VWA8: variants seen among roughly 807,000 people sequenced by gnomAD.
The protein encoded by VWA8 is von Willebrand factor A domain-containing protein 8.
VWA8 carries 221 observed loss-of-function variants against 241.5 expected under a neutral mutation model. The ratio of observed to expected loss-of-function variants is 0.91; its 90% confidence interval spans 0.82 to 1.02. The LOEUF is 1.02. Among genes scored for constraint, VWA8 ranks in the 50% least tolerant of loss-of-function variants. The pLI is 0.00. For synonymous variants in VWA8, 852 were observed against 827.1 expected, an observed-to-expected ratio of 1.03 and a Z score of -0.52; for missense variants, 2,322 against 2,328.7, an observed-to-expected ratio of 1.00 and a Z score of 0.06.
At chr13:41,881,355 T>C (rs1874162627) in intron 9 of VWA8, among the ~76,000 whole-genome samples, 1 of 83,286 alleles carries the variant, frequency 1.2e-5, no homozygotes, top group Non-Finnish European at 2.2e-5. Context: ...TACTAGAACA[T>C]CATAGTTTTT....
intron 9 of VWA8, among the ~76,000 whole-genome samples, chr13:41,869,631 CAAAAAAA>C (rs532296102): frequency 2.5e-5 from 1 of 40,298 alleles, no homozygotes; most frequent in East Asian, 9.7e-4. Flanking sequence ...AACTTTGTCT[CAAAAAAA>C]AAAAAAAAAA....
chr13:41,771,824 C>T (rs1191535460), intron 20 of VWA8, among the ~76,000 whole-genome samples: 4 of 151,688 alleles, frequency 2.6e-5, no homozygotes, highest in Non-Finnish European at 5.9e-5. Context: ...TCAAGCAATC[C>T]GCCCACCTTG....
At chr13:41,576,640 A>AT (rs1224637474) in intron 42 of VWA8, among the ~76,000 whole-genome samples, 1 of 152,234 alleles carries the variant, frequency 6.6e-6, no homozygotes, top group Non-Finnish European at 1.5e-5. Context: ...CCTAACAGTT[A>AT]TCCCCAGGAG....
At chr13:41,754,318 T>C (rs2045678003) in intron 21 of VWA8, among the ~76,000 whole-genome samples, 1 of 152,112 alleles carries the variant, frequency 6.6e-6, no homozygotes, top group Non-Finnish European at 1.5e-5. Flanking sequence ...GCACAAGCTC[T>C]CTTCTCTTGT....
At chr13:41,681,031 T>C (rs2045095076) in intron 35 of VWA8, among the ~76,000 whole-genome samples, 1 of 152,240 alleles carries the variant, frequency 6.6e-6, no homozygotes, top group Admixed American at 6.5e-5. Flanking sequence ...TGTTCAATGC[T>C]AACAAGAATC....
intron 2 of VWA8, among the ~76,000 whole-genome samples, chr13:41,939,476 A>C (rs1877499429): frequency 6.6e-6 from 1 of 152,110 alleles, no homozygotes. Flanking sequence ...CAAGACCTAG[A>C]TCATAAAAAA....
At chr13:41,611,475 A>C in intron 39 of VWA8, 101 bp downstream of exon 39, 1 of 1,447,882 alleles carries the variant, frequency 6.9e-7, no homozygotes, top group African/African-American at 1.4e-5. Context: ...TTGCTGCATG[A>C]GGTGGAGGTG....
At chr13:41,635,941 T>A (rs1448460541) in intron 37 of VWA8, among the ~76,000 whole-genome samples, 1 of 152,170 alleles carries the variant, frequency 6.6e-6, no homozygotes. Context: ...GTCTGTGATC[T>A]TACAGTTCTT....
At chr13:41,816,550 C>T (rs1870701890) in intron 16 of VWA8, 148 bp downstream of exon 16, 2 of 651,662 alleles carry the variant, frequency 3.1e-6, no homozygotes, top group African/African-American at 1.9e-5. Flanking sequence ...TCGGAGTAAA[C>T]CATATGCATA....
intron 12 of VWA8, among the ~76,000 whole-genome samples, chr13:41,846,047 T>C (rs138551549): frequency 5.7e-4 from 85 of 149,766 alleles, no homozygotes; most frequent in African/African-American, 2.1e-3. Flanking sequence ...GCTTTTTAGT[T>C]CTTTTTTTTT....
At chr13:41,688,974 A>G (rs1285716502) in intron 34 of VWA8, among the ~76,000 whole-genome samples, 1 of 152,132 alleles carries the variant, frequency 6.6e-6, no homozygotes, top group East Asian at 1.9e-4. Context: ...TGAACCTAAA[A>G]TAAAAGTTAA....
intron 17 of VWA8, 93 bp downstream of exon 17, chr13:41,811,132 G>C: frequency 2.8e-6 from 3 of 1,073,870 alleles, no homozygotes; most frequent in Non-Finnish European, 4.1e-6. Context: ...AATATATTTT[G>C]AAGAATTGGG....
intron 1 of VWA8, among the ~76,000 whole-genome samples, chr13:41,953,952 A>T (rs1360628220): frequency 6.6e-6 from 1 of 152,230 alleles, no homozygotes. Flanking sequence ...CAGGCTTCTT[A>T]AAAAATCCAA....
At chr13:41,760,026 G>A (rs952803074) in intron 21 of VWA8, among the ~76,000 whole-genome samples, 1 of 151,650 alleles carries the variant, frequency 6.6e-6, no homozygotes, top group African/African-American at 2.4e-5. Flanking sequence ...TGTAAAGATA[G>A]GTATGGAGTA....
At chr13:41,859,674 G>A (rs1367293299) in intron 12 of VWA8, among the ~76,000 whole-genome samples, 1 of 152,112 alleles carries the variant, frequency 6.6e-6, no homozygotes, top group Non-Finnish European at 1.5e-5. Context: ...AGAATAATCA[G>A]TTAAAAGAAT....
chr13:41,730,451 T>C (rs1436199512), intron 22 of VWA8, among the ~76,000 whole-genome samples: 1 of 151,564 alleles, frequency 6.6e-6, no homozygotes, highest in African/African-American at 2.4e-5. Flanking sequence ...CGGAATAGTT[T>C]GGCCAAAAAG....
rs140823815 is a variant in VWA8, at chr13:41,568,124, C to CT, written c.*72dup. The CT allele has an allele frequency of 2.9e-3, 3,880 of 1,343,156 alleles. 74 individuals are homozygous for CT. In the African/African-American group the frequency reaches 0.045, roughly 16 times the overall value. 83.2% of individuals were successfully genotyped at this position (1,343,156 alleles called of 1,614,324 possible). On this transcript the variant is annotated 3_prime_UTR_variant, in exon 45 of 45. Transcript: ENST00000379310. ...CATGGGTTCACTTCATCCATATCTT[C>CT]TTTTTTTCAGAATACTCTTTATTCC...
chr13:41,888,181 GCACCTGTTAAATCT>G (rs1357330628), intron 5 of VWA8, among the ~76,000 whole-genome samples: 1 of 152,024 alleles, frequency 6.6e-6, no homozygotes, highest in Non-Finnish European at 1.5e-5. Context: ...CCCAAAGGAG[GCACCTGTTAAATCT>G]CATTTCCTTC....
Position 41,915,712 on chromosome 13 carries a change from T to C in VWA8, c.242-3544A>G, listed in dbSNP as rs147998839. On this transcript the variant is annotated intron_variant, in intron 2 of 44. Transcript: ENST00000379310. ...GAATAAGTTCTACCTTTAGAGTAAG[T>C]CTGTAGGAGTTGTCAGGATATCTAA... Among the ~76,000 whole-genome samples the C allele has an allele frequency of 1.7e-3, 256 of 152,336 alleles. 2 individuals are homozygous for C. The highest frequency in any genetic ancestry group is 5.7e-3 in the African/African-American group (235 of 41,566).
Sources: gnomAD v4.1 joint callset for allele counts (sites outside exome capture counted in the v4.1 genomes callset) on GRCh38, gnomAD v4.1.1 for gene constraint, MANE v1.5 for transcripts, NCBI Gene and HGNC (gene_info 2026-07-23, HGNC 2026-07-21) for gene names.